WWOX: variants seen among roughly 807,000 people sequenced by gnomAD.
The protein encoded by WWOX is WW domain-containing oxidoreductase.
WWOX carries 69 observed loss-of-function variants against 46.2 expected under a neutral mutation model. The ratio of observed to expected loss-of-function variants is 1.49; its 90% CI spans 1.23 to 1.82. The LOEUF is 1.82. WWOX is among the 40% of genes most tolerant of loss of function. The pLI is 0.00. For missense variants in WWOX, 919 were observed against 542.6 expected (o/e 1.69, Z -6.89); for synonymous variants, 359 against 202.6 (o/e 1.77, Z -6.56).
chr16:78,223,208 C>A (rs1415833382), intron 5 of WWOX, among the ~76,000 whole-genome samples: 1 of 152,112 alleles, frequency 6.6e-6, no homozygotes, highest in African/African-American at 2.4e-5. Flanking sequence ...TCAAGGGACA[C>A]TTGTCTGGAG....
At position 78,115,162 on chromosome 16, in the gene WWOX, C is replaced by G. The variant is rs777271293; in HGVS notation, c.409+8C>G. ...GAGCTAATTCAGGAATAGGTAGGCT[C>G]TTCACTTAGTTATTTATCTTTGGGA... On this transcript the variant is annotated splice_region_variant and intron_variant, in intron 4 of 8. Transcript: ENST00000566780. The G allele has an allele frequency of 1.2e-6, 2 of 1,614,168 alleles. No homozygotes were observed. Among genetic ancestry groups the G allele is most frequent in the Non-Finnish European group, 1.7e-6 (2 of 1,179,982 alleles).
intron 8 of WWOX, among the ~76,000 whole-genome samples, chr16:78,680,458 C>T (rs1376458766): frequency 6.6e-6 from 1 of 152,040 alleles, no homozygotes; most frequent in Admixed American, 6.6e-5. Flanking sequence ...CGCTTGAGCC[C>T]CGGGAGGTAG....
At chr16:78,658,797 G>C (rs977360568) in intron 8 of WWOX, among the ~76,000 whole-genome samples, 9 of 151,840 alleles carry the variant, frequency 5.9e-5, no homozygotes, top group Non-Finnish European at 1.3e-4. Context: ...TTCTAAATAA[G>C]ATCACATGCT....
At chr16:78,950,241 G>A (rs188480029) in intron 8 of WWOX, among the ~76,000 whole-genome samples, 9 of 152,168 alleles carry the variant, frequency 5.9e-5, no homozygotes, top group Admixed American at 1.3e-4. Flanking sequence ...TTGAATTACG[G>A]TCTTTAGCTC....
intron 8 of WWOX, among the ~76,000 whole-genome samples, chr16:78,820,456 TC>T (rs2051463488): frequency 6.6e-6 from 1 of 152,158 alleles, no homozygotes; most frequent in South Asian, 2.1e-4. Flanking sequence ...TAAAAATCTT[TC>T]TTACTGATGA....
chr16:79,211,798 T>A lies in WWOX; in HGVS notation c.*2T>A. ...CGGCTTGGCAGCCAGTCCGGCTAAG[T>A]GGAGCTCAGAGCGGATGGGCACACA... On this transcript the variant is annotated 3_prime_UTR_variant, in exon 9 of 9. Coordinates refer to ENST00000566780, the MANE Select transcript of WWOX (RefSeq NM_016373.4). 2 of 1,613,996 alleles carry A rather than the reference T, an allele frequency of 1.2e-6. No homozygotes were observed. Among genetic ancestry groups the A allele is most frequent in the Non-Finnish European group, 1.7e-6 (2 of 1,179,956 alleles).
chr16:78,180,372 C>T (rs1413382189), intron 5 of WWOX, among the ~76,000 whole-genome samples: 1 of 151,236 alleles, frequency 6.6e-6, no homozygotes, highest in Non-Finnish European at 1.5e-5. Flanking sequence ...TCCAGCTGTA[C>T]CCAAGAGTTG....
intron 8 of WWOX, among the ~76,000 whole-genome samples, chr16:78,466,284 G>A (rs1409876957): frequency 2.0e-5 from 3 of 152,066 alleles, no homozygotes; most frequent in Non-Finnish European, 2.9e-5. Context: ...GCCTGCCTTG[G>A]CCTCCCAAAG....
chr16:78,982,701 T>G (rs975423636), intron 8 of WWOX, among the ~76,000 whole-genome samples: 12 of 152,220 alleles, frequency 7.9e-5, no homozygotes, highest in Non-Finnish European at 1.6e-4. Flanking sequence ...CAAACATGTA[T>G]GCTTATTTAG....
intron 8 of WWOX, among the ~76,000 whole-genome samples, chr16:79,144,165 G>A (rs2050142102): frequency 6.6e-6 from 1 of 152,190 alleles, no homozygotes; most frequent in Admixed American, 6.5e-5. Context: ...CTCCCAAAGT[G>A]TGGAGATTAC....
At chr16:78,984,325 G>C (rs1546360) in intron 8 of WWOX, among the ~76,000 whole-genome samples, 52,866 of 151,960 alleles carry the variant, frequency 0.35, 10,478 homozygotes, top group Non-Finnish European at 0.46. Flanking sequence ...CCACCTCCAA[G>C]AAAGCACTCT....
intron 8 of WWOX, among the ~76,000 whole-genome samples, chr16:78,635,100 C>T (rs1008972464): frequency 1.3e-5 from 2 of 152,122 alleles, no homozygotes; most frequent in African/African-American, 4.8e-5. Context: ...TGTGATTACG[C>T]CAGGAAGTCA....
At chr16:78,912,291 C>T (rs1293529807) in intron 8 of WWOX, among the ~76,000 whole-genome samples, 4 of 152,016 alleles carry the variant, frequency 2.6e-5, no homozygotes, top group Non-Finnish European at 4.4e-5. Flanking sequence ...CACTGTGTGC[C>T]AGGCACTATG....
At chr16:78,845,909 G>A (rs766828235) in intron 8 of WWOX, among the ~76,000 whole-genome samples, 5 of 152,196 alleles carry the variant, frequency 3.3e-5, no homozygotes, top group Non-Finnish European at 7.3e-5. Context: ...ATTTAAGGTA[G>A]ATGGGTTTAT....
chr16:78,892,460 C>T (rs1188731285), intron 8 of WWOX, among the ~76,000 whole-genome samples: 1 of 152,192 alleles, frequency 6.6e-6, no homozygotes, highest in Non-Finnish European at 1.5e-5. Context: ...CCTGGTTCTA[C>T]CTCTAGTTGG....
At chr16:78,545,522 T>A (rs1391844680) in intron 8 of WWOX, among the ~76,000 whole-genome samples, 1 of 152,150 alleles carries the variant, frequency 6.6e-6, no homozygotes, top group Non-Finnish European at 1.5e-5. Flanking sequence ...CTGGCTTAAA[T>A]CCATCCTTAA....
At chr16:78,310,804 T>C (rs941858042) in intron 5 of WWOX, among the ~76,000 whole-genome samples, 2 of 152,222 alleles carry the variant, frequency 1.3e-5, no homozygotes, top group African/African-American at 4.8e-5. Context: ...TTTTCAATGT[T>C]TTAAGCCCTG....
chr16:78,999,113 C>G (rs1335007929), intron 8 of WWOX, among the ~76,000 whole-genome samples: 4 of 151,616 alleles, frequency 2.6e-5, no homozygotes, highest in South Asian at 2.1e-4. Flanking sequence ...AGAGCCAGCT[C>G]AAGAACCCAG....
chr16:79,173,450 C>A (rs745518818), intron 8 of WWOX, among the ~76,000 whole-genome samples: 2 of 152,196 alleles, frequency 1.3e-5, no homozygotes, highest in Non-Finnish European at 2.9e-5. Context: ...CAGGCAGAGA[C>A]TGGGACCAGA....
Sources: gnomAD v4.1 joint callset for allele counts (sites outside exome capture counted in the v4.1 genomes callset) on GRCh38, gnomAD v4.1.1 for gene constraint, MANE v1.5 for transcripts, NCBI Gene and HGNC (gene_info 2026-07-23, HGNC 2026-07-21) for gene names.